Variants in DACH2 observed in about 807,000 individuals in gnomAD.
The protein encoded by DACH2 is dachshund family transcription factor 2.
Under a neutral mutation model 35.8 loss-of-function variants are expected in DACH2, and 17 were observed. The ratio of observed to expected loss-of-function variants is 0.48; its 90% confidence interval spans 0.33 to 0.71. The LOEUF is 0.71. Among genes scored for constraint, DACH2 ranks in the 30% least tolerant of loss-of-function variants. The pLI is 0.02. For synonymous variants in DACH2, 195 were observed against 177.3 expected (o/e 1.10, Z -0.79); for missense variants, 469 against 472.7 (o/e 0.99, Z 0.07).
chrX:86,620,351 C>G (rs2040054765), intron 3 of DACH2, among the ~76,000 whole-genome samples: 1 of 111,451 alleles, frequency 9.0e-6, no homozygotes, highest in Admixed American at 9.6e-5. Flanking sequence ...GCTTAGTTCC[C>G]CATCACTTTA....
intron 1 of DACH2, among the ~76,000 whole-genome samples, chrX:86,363,512 T>A (rs1331087908): frequency 8.9e-6 from 1 of 111,737 alleles, no homozygotes; most frequent in Non-Finnish European, 1.9e-5. Flanking sequence ...ATTATAACAA[T>A]TTAACAGTTG....
At chrX:86,826,567 C>T (rs938857729) in intron 11 of DACH2, among the ~76,000 whole-genome samples, 13 of 111,741 alleles carry the variant, frequency 1.2e-4, no homozygotes, top group Non-Finnish European at 7.5e-5. Flanking sequence ...CTTCCCCTTG[C>T]TTGCAATTGT....
intron 1 of DACH2, among the ~76,000 whole-genome samples, chrX:86,329,148 A>G (rs1053000420): frequency 3.6e-5 from 4 of 111,504 alleles, no homozygotes; most frequent in African/African-American, 1.3e-4. Flanking sequence ...CTGGAGAAAC[A>G]TAAAGAGAAG....
chrX:86,510,024 A>AT (rs1416587882), intron 2 of DACH2, among the ~76,000 whole-genome samples: 1 of 112,028 alleles, frequency 8.9e-6, no homozygotes, highest in Admixed American at 9.5e-5. Context: ...CTGGGATGTT[A>AT]TAAGTGTTTC....
At position 86,434,185 on chromosome X, in the gene DACH2, CTTTTATTT is replaced by C. The variant is rs2037030117; in HGVS notation, c.527+57334_527+57341del. On this transcript the variant is annotated intron_variant, in intron 2 of 11. Coordinates refer to ENST00000373125, the MANE Select transcript of DACH2 (RefSeq NM_053281.3). ...CACAGCGATTTTTATTTTATGCCGA[CTTTTATTT>C]TTTTATTTTTATTTTTTGTTGGTAC... 3.6e-5 allele frequency among the ~76,000 whole-genome samples: 4 copies of C among 111,609 alleles called. No individual in the cohort carries two copies. The Admixed American group carries it at 3.8e-4, about 11-fold the overall frequency.
intron 4 of DACH2, among the ~76,000 whole-genome samples, chrX:86,681,362 T>C (rs2040879012): frequency 9.0e-6 from 1 of 110,852 alleles, no homozygotes. Context: ...ATGAGGATCA[T>C]TTGAGCCCAG....
At chrX:86,541,424 C>T (rs5922252) in intron 3 of DACH2, among the ~76,000 whole-genome samples, 34,487 of 109,697 alleles carry the variant, frequency 0.31, 4,535 homozygotes, top group Middle Eastern at 0.45. Context: ...ACTGAATATG[C>T]TTTTGTTAAC....
At chrX:86,288,644 G>A (rs916143758) in intron 1 of DACH2, among the ~76,000 whole-genome samples, 1 of 111,811 alleles carries the variant, frequency 8.9e-6, no homozygotes, top group African/African-American at 3.3e-5. Context: ...TAAATGCAGA[G>A]GAGCCTCACC....
chrX:86,277,558 T>G (rs1203765105), intron 1 of DACH2, among the ~76,000 whole-genome samples: 1 of 112,518 alleles, frequency 8.9e-6, no homozygotes, highest in African/African-American at 3.2e-5. Context: ...TCAAGCGATT[T>G]TCTTATTCCA....
At chrX:86,460,325 T>C (rs929207509) in intron 2 of DACH2, among the ~76,000 whole-genome samples, 8 of 111,015 alleles carry the variant, frequency 7.2e-5, no homozygotes, top group African/African-American at 2.6e-4. Flanking sequence ...TGTAAACAAA[T>C]TATGCATGTT....
chrX:86,341,705 C>T (rs1394563643), intron 1 of DACH2, among the ~76,000 whole-genome samples: 1 of 112,263 alleles, frequency 8.9e-6, no homozygotes, highest in Admixed American at 9.5e-5. Flanking sequence ...ATTCTAGTTG[C>T]CTTTAAGAAC....
chrX:86,535,081 A>G (rs1174471515), intron 3 of DACH2, among the ~76,000 whole-genome samples: 1 of 111,896 alleles, frequency 8.9e-6, no homozygotes, highest in Non-Finnish European at 1.9e-5. Context: ...TTTCTTGATT[A>G]AAAGTTATGA....
chrX:86,247,635 A>T (rs1399785503), intron 1 of DACH2, among the ~76,000 whole-genome samples: 2 of 111,372 alleles, frequency 1.8e-5, no homozygotes, highest in Non-Finnish European at 3.8e-5. Flanking sequence ...ATGTTCATAG[A>T]TATGAACATA....
At chrX:86,346,055 G>A (rs2035491319) in intron 1 of DACH2, among the ~76,000 whole-genome samples, 1 of 111,603 alleles carries the variant, frequency 9.0e-6, no homozygotes, top group Non-Finnish European at 1.9e-5. Context: ...TTAAATATAG[G>A]CCAGATTGTG....
chrX:86,165,359 G>A lies in DACH2; in HGVS notation c.488+16251G>A, dbSNP rs73512028. The stretch of plus-strand genomic sequence containing the variant: ...TGTATATACTCTGCAGTGGTATTGC[G>A]GGATCATACGGTAGCTCAAATTTTA... On this transcript the variant is annotated intron_variant, in intron 1 of 11. Coordinates refer to ENST00000373125, the MANE Select transcript of DACH2 (RefSeq NM_053281.3). Among the ~76,000 whole-genome samples, 604 of 111,097 alleles carry A rather than the reference G, an allele frequency of 5.4e-3. 1 individual carries two copies. The highest frequency in any genetic ancestry group is 0.019 in the African/African-American group (587 of 30,610).
intron 4 of DACH2, among the ~76,000 whole-genome samples, chrX:86,665,177 T>C (rs187734903): frequency 8.9e-6 from 1 of 112,165 alleles, no homozygotes; most frequent in South Asian, 3.7e-4. Flanking sequence ...AGTTTTATAG[T>C]CTACTAATAC....
intron 1 of DACH2, among the ~76,000 whole-genome samples, chrX:86,231,825 C>G (rs1190227686): frequency 8.9e-6 from 1 of 112,000 alleles, no homozygotes; most frequent in Admixed American, 9.4e-5. Context: ...GGGTTTTACC[C>G]CTTGTCCTCT....
intron 6 of DACH2, among the ~76,000 whole-genome samples, chrX:86,736,058 C>G (rs975832652): frequency 2.7e-5 from 3 of 110,987 alleles, no homozygotes; most frequent in African/African-American, 9.8e-5. Context: ...ATACTTATTA[C>G]AGGGCTAAAA....
chrX:86,209,877 G>T (rs954285997), intron 1 of DACH2, among the ~76,000 whole-genome samples: 2 of 111,305 alleles, frequency 1.8e-5, no homozygotes, highest in African/African-American at 6.5e-5. Context: ...TCAAGGAAAA[G>T]ACTATATCCT....
Sources: gnomAD v4.1 joint callset for allele counts (sites outside exome capture counted in the v4.1 genomes callset) on GRCh38, gnomAD v4.1.1 for gene constraint, MANE v1.5 for transcripts, NCBI Gene and HGNC (gene_info 2026-07-23, HGNC 2026-07-21) for gene names.